Variants in THRB observed in about 807,000 individuals in gnomAD.
THRB encodes nuclear receptor subfamily 1 group A member 2.
Under a neutral mutation model 47.8 loss-of-function variants are expected in THRB, and 12 were observed. The observed-to-expected ratio is 0.25, with a 90% CI of 0.16 to 0.41. The LOEUF is 0.41. THRB is among the 10% of genes least tolerant of loss of function. THRB has a pLI of 1.00. For missense variants in THRB, 348 were observed against 589.2 expected, an observed-to-expected ratio of 0.59 and a Z score of 4.24; for synonymous variants, 218 against 212.2, an observed-to-expected ratio of 1.03 and a Z score of -0.24.
chr3:24,345,977 T>A (rs1254800791), intron 1 of THRB, among the ~76,000 whole-genome samples: 1 of 152,126 alleles, frequency 6.6e-6, no homozygotes, highest in East Asian at 1.9e-4. Context: ...TAAATAAAGT[T>A]AATAAAGCAG....
intron 5 of THRB, among the ~76,000 whole-genome samples, chr3:24,168,277 G>C (rs1478594228): frequency 6.6e-6 from 1 of 151,982 alleles, no homozygotes; most frequent in Non-Finnish European, 1.5e-5. Flanking sequence ...ATTCAGTCTT[G>C]CATGCTTCTT....
intron 2 of THRB, among the ~76,000 whole-genome samples, chr3:24,321,827 A>G (rs764970330): frequency 2.6e-5 from 4 of 152,202 alleles, no homozygotes; most frequent in Non-Finnish European, 5.9e-5. Flanking sequence ...TATAAGTATA[A>G]GATACACACT....
Position 24,121,729 on chromosome 3 carries a change from AG to A in THRB, c.*1154del, listed in dbSNP as rs1424651264. ...AAGCTATTTAGTTCCTCAGAGTCAGAGGGAAAAAGGGGACTAGGAGACATTT... is the reference window on the plus strand; with the variant it reads ...AAGCTATTTAGTTCCTCAGAGTCAGAGGAAAAAGGGGACTAGGAGACATTT... On this transcript the variant is annotated 3_prime_UTR_variant, in exon 11 of 11. Coordinates refer to ENST00000646209, the MANE Select transcript of THRB (RefSeq NM_001354712.2). 2 of 152,232 alleles carry A rather than the reference AG, an allele frequency of 1.3e-5. No homozygotes were observed. The highest frequency in any genetic ancestry group is 3.8e-4 in the East Asian group (2 of 5,196). 9.4% of individuals were successfully genotyped at this position (152,232 alleles called of 1,614,324 possible).
chr3:24,461,044 T>C (rs190944783), intron 1 of THRB, among the ~76,000 whole-genome samples: 32 of 152,326 alleles, frequency 2.1e-4, no homozygotes, highest in Admixed American at 1.0e-3. Context: ...TATACATGTT[T>C]TATGCACACC....
chr3:24,472,156 A>C (rs1018477951), intron 1 of THRB, among the ~76,000 whole-genome samples: 13 of 152,210 alleles, frequency 8.5e-5, no homozygotes, highest in Non-Finnish European at 1.5e-4. Flanking sequence ...TCACCTAGCT[A>C]GTAGGGACAC....
intron 2 of THRB, among the ~76,000 whole-genome samples, chr3:24,318,888 G>C (rs1413056193): frequency 6.6e-6 from 1 of 152,206 alleles, no homozygotes; most frequent in African/African-American, 2.4e-5. Context: ...TCTCTAGAAA[G>C]AGAAATAGTT....
At chr3:24,355,751 C>T (rs1242887409) in intron 1 of THRB, among the ~76,000 whole-genome samples, 3 of 152,100 alleles carry the variant, frequency 2.0e-5, no homozygotes, top group Admixed American at 6.5e-5. Flanking sequence ...AAAGGGTGTA[C>T]ACAAGGTATA....
chr3:24,341,081 CT>C (rs1239166297), intron 1 of THRB, among the ~76,000 whole-genome samples: 12 of 151,082 alleles, frequency 7.9e-5, no homozygotes, highest in Admixed American at 7.9e-4. Flanking sequence ...GAAACAAATT[CT>C]TTTTCTTTTG....
intron 1 of THRB, among the ~76,000 whole-genome samples, chr3:24,467,371 C>T (rs1577792038): frequency 6.6e-6 from 1 of 152,288 alleles, no homozygotes; most frequent in East Asian, 1.9e-4. Context: ...ATTTTGACCT[C>T]CTCCCAGGAA....
At chr3:24,190,017 G>T in intron 5 of THRB, 57 bp downstream of exon 5, 1 of 1,530,544 alleles carries the variant, frequency 6.5e-7, no homozygotes, top group Non-Finnish European at 9.1e-7. Flanking sequence ...AGCTACAACA[G>T]GGATATTTTT....
At chr3:24,280,811 GC>G (rs1262574835) in intron 3 of THRB, among the ~76,000 whole-genome samples, 2 of 151,196 alleles carry the variant, frequency 1.3e-5, no homozygotes, top group Non-Finnish European at 1.5e-5. Context: ...AGGAGCCCAT[GC>G]GATCAACTGG....
At chr3:24,481,654 A>C (rs1006471434) in intron 1 of THRB, among the ~76,000 whole-genome samples, 2 of 152,128 alleles carry the variant, frequency 1.3e-5, no homozygotes, top group Non-Finnish European at 2.9e-5. Context: ...GGTGAGGGAA[A>C]GTGTCATTGG....
At chr3:24,458,766 C>T (rs1255128068) in intron 1 of THRB, 1 of 152,050 alleles carries the variant, frequency 6.6e-6, no homozygotes, top group East Asian at 1.9e-4. Flanking sequence ...AAAAGAAGAA[C>T]CGAACTGCAA....
intron 1 of THRB, among the ~76,000 whole-genome samples, chr3:24,375,859 T>C (rs2065251098): frequency 6.6e-6 from 1 of 152,062 alleles, no homozygotes; most frequent in Non-Finnish European, 1.5e-5. Context: ...TTCCTACTTC[T>C]ACAAAATTGT....
At chr3:24,316,447 C>T (rs2058118430) in intron 2 of THRB, among the ~76,000 whole-genome samples, 1 of 151,284 alleles carries the variant, frequency 6.6e-6, no homozygotes, top group East Asian at 1.9e-4. Context: ...TGTGCTCACC[C>T]TCTCCCCCTT....
intron 1 of THRB, among the ~76,000 whole-genome samples, chr3:24,396,614 T>G (rs2066984633): frequency 6.6e-6 from 1 of 152,070 alleles, no homozygotes; most frequent in South Asian, 2.1e-4. Flanking sequence ...CACCACTGGG[T>G]GAGCGCTCTA....
At chr3:24,439,202 A>G (rs2071283587) in intron 1 of THRB, among the ~76,000 whole-genome samples, 1 of 152,128 alleles carries the variant, frequency 6.6e-6, no homozygotes. Context: ...TGGATGAGGT[A>G]GATGTCATTG....
At chr3:24,220,409 C>G (rs369140896) in intron 4 of THRB, among the ~76,000 whole-genome samples, 1 of 152,054 alleles carries the variant, frequency 6.6e-6, no homozygotes, top group Non-Finnish European at 1.5e-5. Context: ...GGGAATCACA[C>G]GAGCCTGGAA....
At chr3:24,210,674 C>T (rs1349201897) in intron 4 of THRB, among the ~76,000 whole-genome samples, 1 of 152,188 alleles carries the variant, frequency 6.6e-6, no homozygotes, top group East Asian at 1.9e-4. Context: ...GCTGGGCTAC[C>T]TGGCACTGGA....
Sources: allele counts gnomAD v4.1 joint callset (sites outside exome capture counted in the v4.1 genomes callset), GRCh38; gene constraint gnomAD v4.1.1; transcripts MANE v1.5; gene names NCBI Gene and HGNC (gene_info 2026-07-23, HGNC 2026-07-21).